Variants in GFM2 observed in about 807,000 individuals in gnomAD.
The protein encoded by GFM2 is ribosome-releasing factor 2, mitochondrial.
A neutral mutation model predicts 95.4 loss-of-function variants in GFM2; 72 were observed. That is an observed-to-expected ratio of 0.76 (90% confidence interval 0.62 to 0.92). The LOEUF is 0.92. GFM2 is among the 40% of genes least tolerant of loss of function. GFM2 has a pLI of 0.00. For synonymous variants in GFM2, 276 were observed against 317.5 expected, an observed-to-expected ratio of 0.87 and a Z score of 1.39; for missense variants, 825 against 924.1, an observed-to-expected ratio of 0.89 and a Z score of 1.39.
Position 74,746,129 on chromosome 5 carries a change from T to C in GFM2, c.645A>G (p.Leu215=), listed in dbSNP as rs747935506. The change falls in exon 9 of 21, where the codon TTA becomes TTG. Residue 215 remains leucine (L), a synonymous_variant. Transcript: ENST00000296805. ...KYAVESIREK[L]KAKPLLLQLP... ...CCTGTAAAAGCAAAGGCTTTGCCTT[T>C]AACTTCTCTCTGATGCTTTCAACTG... 3.2e-6 allele frequency: 5 copies of C among 1,548,950 alleles called. No individual in the cohort carries two copies. The South Asian group carries it at 6.4e-5, about 20-fold the overall frequency.
chr5:74,732,927 GACACACACACACACACACACACACAC>G (rs67360841), intron 16 of GFM2, 69 bp downstream of exon 16: 50 of 403,532 alleles, frequency 1.2e-4, no homozygotes, highest in East Asian at 8.4e-4. Flanking sequence ...TAATGTTTTA[GACACACACACACACACACACACACAC>G]ACACACACAC....
chr5:74,746,892 T>G (rs1462533598), intron 8 of GFM2, among the ~76,000 whole-genome samples: 1 of 152,048 alleles, frequency 6.6e-6, no homozygotes, highest in Non-Finnish European at 1.5e-5. Flanking sequence ...CAAGACAAGG[T>G]TCTTTAAACA....
chr5:74,761,083 T>C (rs1744260024), intron 2 of GFM2, 97 bp from the exon 3 acceptor site: 5 of 721,150 alleles, frequency 6.9e-6, no homozygotes, highest in Non-Finnish European at 1.2e-5. Context: ...AGATAAAATA[T>C]TTTGTATAGC....
chr5:74,765,978 G>A (rs756546274), intron 1 of GFM2, among the ~76,000 whole-genome samples: 2 of 151,846 alleles, frequency 1.3e-5, no homozygotes, highest in Non-Finnish European at 2.9e-5. Flanking sequence ...CAGCCTGTGC[G>A]ACAAGATTGA....
intron 19 of GFM2, among the ~76,000 whole-genome samples, chr5:74,724,678 T>G (rs183381770): frequency 3.2e-4 from 49 of 152,304 alleles, no homozygotes; most frequent in Admixed American, 9.2e-4. Context: ...TTTGGCTTTC[T>G]TAGGTTAGGG....
Position 74,721,342 on chromosome 5 carries a change from C to T in GFM2, c.*313G>A, listed in dbSNP as rs1031194254. ...GAGGCCTGGCATCTTTCTTGTGAGA[C>T]AAGCTTAAGGACACAAAAGAAACAC... On this transcript the variant is annotated 3_prime_UTR_variant, in exon 21 of 21. Coordinates refer to ENST00000296805, the MANE Select transcript of GFM2 (RefSeq NM_032380.5). 2.9e-5 allele frequency: 22 copies of T among 758,228 alleles called. No individual in the cohort carries two copies. The highest frequency in any genetic ancestry group is 3.4e-4 in the Middle Eastern group (1 of 2,972). The allele number at this position is 758,228 out of a possible 1,614,324, so 47.0% of individuals were successfully genotyped here.
chr5:74,749,446 C>T (rs535576915), intron 7 of GFM2, among the ~76,000 whole-genome samples: 2 of 152,238 alleles, frequency 1.3e-5, no homozygotes, highest in African/African-American at 4.8e-5. Context: ...TTTTAATTTG[C>T]ATTTTCCTGA....
intron 2 of GFM2, among the ~76,000 whole-genome samples, chr5:74,761,586 G>A (rs1269717648): frequency 6.6e-6 from 1 of 152,128 alleles, no homozygotes; most frequent in Non-Finnish European, 1.5e-5. Context: ...GGGGTGGGGA[G>A]AGAAAATGAG....
chr5:74,722,664 T>C (rs1749963381), intron 19 of GFM2, 103 bp from the exon 20 acceptor site: 1 of 847,118 alleles, frequency 1.2e-6, no homozygotes, highest in Admixed American at 2.9e-5. Flanking sequence ...TTTAACTCTC[T>C]CTTTAAAGAT....
chr5:74,725,751 T>C lies in GFM2; in HGVS notation c.1917A>G (p.Pro639=). Residue 639 remains proline, a synonymous_variant, in exon 19 of 21, where the codon CCA becomes CCG. Coordinates refer to ENST00000296805, the MANE Select transcript of GFM2 (RefSeq NM_032380.5). The part of the protein sequence containing the change: ...NGIHSACLQG[P]LLGSPIQDVA... ...CATCCTGAATTGGGGATCCAAGCAA[T>C]GGTCCTAGACAAGGGAAAAAAATTG... 6.2e-7 allele frequency: 1 copy of C among 1,610,916 alleles called. No homozygotes were observed. The highest frequency in any genetic ancestry group is 8.5e-7 in the Non-Finnish European group (1 of 1,177,318).
intron 11 of GFM2, among the ~76,000 whole-genome samples, chr5:74,740,983 A>C (rs1399657719): frequency 1.3e-5 from 2 of 152,176 alleles, no homozygotes. Context: ...TCCATGGGGA[A>C]AGTCCCTGGC....
At position 74,750,642 on chromosome 5, in the gene GFM2, A is replaced by C. The variant is rs761525446; in HGVS notation, c.456T>G (p.Val152=). The C allele has an allele frequency of 5.6e-6, 9 of 1,613,304 alleles. No individual in the cohort carries two copies. Among genetic ancestry groups the C allele is most frequent in the Non-Finnish European group, 5.9e-6 (7 of 1,179,454 alleles). ...CATCCAACACTCTTAGGCACCGCTCAACCTCCAAGGTAAAGTCCACATGAC... is the reference window on the plus strand; with the variant it reads ...CATCCAACACTCTTAGGCACCGCTCCACCTCCAAGGTAAAGTCCACATGAC... ...TPGHVDFTLE[V]ERCLRVLDGA... is the part of the protein sequence containing the mutation. The change falls in exon 7 of 21, where the codon GTT becomes GTG. Residue 152 remains valine (V), a synonymous_variant. Transcript: ENST00000296805.
intron 15 of GFM2, 21 bp from the exon 16 acceptor site, chr5:74,733,119 A>T (rs746037794): frequency 2.6e-6 from 4 of 1,520,220 alleles, no homozygotes; most frequent in Non-Finnish European, 2.7e-6. Context: ...AACAACTGTT[A>T]TCTTTACATT....
intron 17 of GFM2, among the ~76,000 whole-genome samples, chr5:74,727,994 T>C (rs147917667): frequency 6.6e-6 from 1 of 152,262 alleles, no homozygotes; most frequent in East Asian, 1.9e-4. Context: ...TTCATCAACA[T>C]CTCTCCTTTC....
At position 74,736,918 on chromosome 5, in the gene GFM2, C is replaced by T. The variant is rs377463681; in HGVS notation, c.1388G>A (p.Arg463Gln). 4.3e-5 allele frequency: 70 copies of T among 1,613,640 alleles called. No homozygotes were observed. Among genetic ancestry groups the T allele is most frequent in the Admixed American group, 2.2e-4 (13 of 59,936 alleles). The change falls in exon 15 of 21, where the codon CGG becomes CAG. Residue 463 changes from arginine (R) to glutamine (Q), a missense_variant. By Grantham distance (43) the Arg-to-Gln change is conservative. Coordinates refer to ENST00000296805, the MANE Select transcript of GFM2 (RefSeq NM_032380.5). ...SALAAARRAE[R>Q]EGEKKHRQNN... is the part of the protein sequence containing the mutation. The stretch of plus-strand genomic sequence containing the variant: ...TTGTCTGTGCTTCTTTTCTCCCTCC[C>T]GTTCGGCTCTACGAGCTGCAGCTAA...
At chr5:74,752,292 G>T (rs1424583577) in intron 5 of GFM2, among the ~76,000 whole-genome samples, 8 of 152,140 alleles carry the variant, frequency 5.3e-5, no homozygotes, top group African/African-American at 1.4e-4. Context: ...GACAGTAAAA[G>T]AAATAAACAG....
At chr5:74,741,809 T>G in intron 10 of GFM2, 200 bp from the exon 11 acceptor site, 1 of 385,568 alleles carries the variant, frequency 2.6e-6, no homozygotes, top group Admixed American at 4.6e-5. Context: ...CTAAAGATAC[T>G]ATTAGGAGTT....
At chr5:74,736,028 C>T (rs1240508786) in intron 15 of GFM2, among the ~76,000 whole-genome samples, 3 of 152,168 alleles carry the variant, frequency 2.0e-5, no homozygotes, top group African/African-American at 7.2e-5. Flanking sequence ...TTGTCAGGAA[C>T]TCCAAGGTGA....
At chr5:74,727,177 A>G (rs1399522716) in intron 17 of GFM2, among the ~76,000 whole-genome samples, 1 of 152,062 alleles carries the variant, frequency 6.6e-6, no homozygotes, top group Non-Finnish European at 1.5e-5. Context: ...CAATATATAC[A>G]TGTTTATATA....
Sources: allele counts gnomAD v4.1 joint callset (sites outside exome capture counted in the v4.1 genomes callset), GRCh38; gene constraint gnomAD v4.1.1; transcripts MANE v1.5; gene names NCBI Gene and HGNC (gene_info 2026-07-23, HGNC 2026-07-21).